Variants in MB21D2 observed in about 807,000 individuals in gnomAD.
The protein encoded by MB21D2 is nucleotidyltransferase MB21D2.
In MB21D2, 9 loss-of-function variants were observed where a neutral mutation model predicts 33.3. That is an observed-to-expected ratio of 0.27 (90% CI 0.16 to 0.47). MB21D2 has a LOEUF of 0.47. Among genes scored for constraint, MB21D2 ranks in the 20% least tolerant of loss-of-function variants. The pLI, the probability that MB21D2 is intolerant of heterozygous loss-of-function variation, is 0.99. For missense variants in MB21D2, 540 were observed against 624.6 expected (o/e 0.86, Z 1.44); for synonymous variants, 241 against 236.3 (o/e 1.02, Z -0.18).
At chr3:192,873,860 G>A (rs537190653) in intron 1 of MB21D2, among the ~76,000 whole-genome samples, 8 of 152,146 alleles carry the variant, frequency 5.3e-5, no homozygotes, top group African/African-American at 1.7e-4. Context: ...ACACCACCAC[G>A]CCTGGTAATT....
intron 1 of MB21D2, among the ~76,000 whole-genome samples, chr3:192,865,269 A>G (rs1713145323): frequency 6.6e-6 from 1 of 152,194 alleles, no homozygotes; most frequent in African/African-American, 2.4e-5. Flanking sequence ...ATCAGCATGA[A>G]TGAGGCTGGA....
intron 1 of MB21D2, among the ~76,000 whole-genome samples, chr3:192,881,624 T>C (rs1713568082): frequency 6.6e-6 from 1 of 152,114 alleles, no homozygotes; most frequent in African/African-American, 2.4e-5. Context: ...GGTGTTTGTC[T>C]CAGAAGCTGC....
chr3:192,899,419 C>T (rs1251559472), intron 1 of MB21D2, among the ~76,000 whole-genome samples: 4 of 152,080 alleles, frequency 2.6e-5, no homozygotes, highest in African/African-American at 7.2e-5. Context: ...ATCCCAGCTA[C>T]TTGGGAGGCT....
intron 1 of MB21D2, among the ~76,000 whole-genome samples, chr3:192,815,710 G>A (rs1560228878): frequency 6.6e-6 from 1 of 152,156 alleles, no homozygotes; most frequent in Non-Finnish European, 1.5e-5. Context: ...GTCTCATTCT[G>A]TACAATTGGG....
chr3:192,884,453 G>A (rs7645609), intron 1 of MB21D2, among the ~76,000 whole-genome samples: 105,344 of 150,886 alleles, frequency 0.7, 38,233 homozygotes, highest in African/African-American at 0.91. Flanking sequence ...TGCAAGCTCC[G>A]CCTCCCGGGT....
At chr3:192,883,176 T>A (rs963628270) in intron 1 of MB21D2, among the ~76,000 whole-genome samples, 1 of 152,062 alleles carries the variant, frequency 6.6e-6, no homozygotes, top group Non-Finnish European at 1.5e-5. Flanking sequence ...CCTGACCAGT[T>A]TCATATCTAA....
chr3:192,916,542 C>G (rs1714469180), intron 1 of MB21D2, among the ~76,000 whole-genome samples: 1 of 152,172 alleles, frequency 6.6e-6, no homozygotes, highest in South Asian at 2.1e-4. Context: ...GCAGCGCTAC[C>G]CTGGAGTACC....
Position 192,811,708 on chromosome 3 carries a change from G to A in MB21D2, c.212-12058C>T, listed in dbSNP as rs550823708. ...TAAGACCTCTGGAAAGCTTTGGAGAGGTGAAAATCCATATATTTTTCAGAT... is the reference window on the plus strand; with the variant it reads ...TAAGACCTCTGGAAAGCTTTGGAGAAGTGAAAATCCATATATTTTTCAGAT... On this transcript the variant is annotated intron_variant, in intron 1 of 1. Transcript: ENST00000392452. Among the ~76,000 whole-genome samples the A allele has an allele frequency of 6.6e-5, 10 of 152,216 alleles. No homozygotes were observed. In the South Asian group the frequency reaches 2.1e-3, roughly 32 times the overall value.
intron 1 of MB21D2, among the ~76,000 whole-genome samples, chr3:192,869,657 C>T (rs1325225892): frequency 6.6e-6 from 1 of 152,118 alleles, no homozygotes; most frequent in African/African-American, 2.4e-5. Context: ...TTCTGAAAAC[C>T]CCCCTTTCTC....
chr3:192,862,363 A>C (rs1364093851), intron 1 of MB21D2, among the ~76,000 whole-genome samples: 3 of 152,246 alleles, frequency 2.0e-5, no homozygotes, highest in Admixed American at 6.5e-5. Context: ...ATTGTATTCC[A>C]TGTTCATTCG....
rs1304497780 is a variant in MB21D2 at position 192,875,082 on chromosome 3, C to CTT, written c.211+42547_211+42548insAA. Among the ~76,000 whole-genome samples the CTT allele has an allele frequency of 7.7e-3, 1,168 of 152,130 alleles. 11 individuals are homozygous for CTT. The highest frequency in any genetic ancestry group is 0.027 in the African/African-American group (1,109 of 41,508). ...TGTGCCACCTATCTTCTACTGAGAC[C>CTT]CCGACTGATACAGTGTTTAACAAAC... On this transcript the variant is annotated intron_variant, in intron 1 of 1. Transcript: ENST00000392452.
chr3:192,844,574 C>T (rs1198910065), intron 1 of MB21D2, among the ~76,000 whole-genome samples: 2 of 152,184 alleles, frequency 1.3e-5, no homozygotes, highest in East Asian at 1.9e-4. Flanking sequence ...TGTGTACAAG[C>T]ACATGTCTCC....
chr3:192,814,666 T>G (rs112054747), intron 1 of MB21D2, among the ~76,000 whole-genome samples: 3,742 of 151,890 alleles, frequency 0.025, 69 homozygotes, highest in Non-Finnish European at 0.039. Flanking sequence ...ATCGAGACCA[T>G]CCTGGCTAAC....
At chr3:192,900,417 T>C (rs1714071023) in intron 1 of MB21D2, among the ~76,000 whole-genome samples, 1 of 151,944 alleles carries the variant, frequency 6.6e-6, no homozygotes, top group Admixed American at 6.6e-5. Context: ...AAGAATACGT[T>C]GTCATGAAAG....
intron 1 of MB21D2, among the ~76,000 whole-genome samples, chr3:192,811,916 C>T (rs982561399): frequency 3.9e-5 from 6 of 152,142 alleles, no homozygotes; most frequent in Non-Finnish European, 5.9e-5. Context: ...TCTCTTTCAG[C>T]CTCTGTTGAG....
intron 1 of MB21D2, among the ~76,000 whole-genome samples, chr3:192,863,143 T>C (rs1027068435): frequency 2.0e-5 from 3 of 152,138 alleles, no homozygotes; most frequent in Non-Finnish European, 2.9e-5. Flanking sequence ...AACTGAAGTG[T>C]TGCAGCTACA....
chr3:192,874,967 T>C (rs4610172), intron 1 of MB21D2, among the ~76,000 whole-genome samples: 92,274 of 151,222 alleles, frequency 0.61, 30,018 homozygotes, highest in African/African-American at 0.84. Flanking sequence ...ACGCACCATC[T>C]AGGTGGTTTC....
chr3:192,850,135 G>C (rs534765314), intron 1 of MB21D2, among the ~76,000 whole-genome samples: 109 of 152,170 alleles, frequency 7.2e-4, no homozygotes, highest in African/African-American at 2.6e-3. Context: ...GGCCAGGCTG[G>C]TCTTGAACTC....
At chr3:192,870,109 C>G (rs12629286) in intron 1 of MB21D2, among the ~76,000 whole-genome samples, 90,083 of 151,754 alleles carry the variant, frequency 0.59, 28,132 homozygotes, top group African/African-American at 0.78. Context: ...TGGCCCACGA[C>G]TGCTTAGACA....
Sources: allele counts gnomAD v4.1 joint callset (sites outside exome capture counted in the v4.1 genomes callset), GRCh38; gene constraint gnomAD v4.1.1; transcripts MANE v1.5; gene names NCBI Gene and HGNC (gene_info 2026-07-23, HGNC 2026-07-21).